AHI1: variants seen among roughly 807,000 people sequenced by gnomAD.
AHI1 encodes jouberin.
A neutral mutation model predicts 149.3 loss-of-function variants in AHI1; 123 were observed. The observed-to-expected ratio is 0.82, with a 90% CI of 0.71 to 0.96. AHI1 has a LOEUF of 0.96. AHI1 is among the 40% of genes least tolerant of loss of function. The probability of loss-of-function intolerance (pLI) is 0.00; values close to 1 mark genes in which losing one functional copy is unlikely to be tolerated. For synonymous variants in AHI1, 475 were observed against 459.8 expected (o/e 1.03, Z -0.42); for missense variants, 1,439 against 1,422.7 (o/e 1.01, Z -0.18).
intron 20 of AHI1, among the ~76,000 whole-genome samples, chr6:135,423,302 T>TA (rs1436612459): frequency 6.6e-6 from 1 of 152,166 alleles, no homozygotes; most frequent in Non-Finnish European, 1.5e-5. Flanking sequence ...TGCTATTCTA[T>TA]AGGATTTGTA....
At chr6:135,363,176 C>T (rs929221370) in intron 23 of AHI1, among the ~76,000 whole-genome samples, 8 of 151,154 alleles carry the variant, frequency 5.3e-5, no homozygotes, top group African/African-American at 1.7e-4. Flanking sequence ...TCTGGTTTTC[C>T]TAGGCAGAGG....
chr6:135,355,870 G>C (rs571939028), intron 24 of AHI1, among the ~76,000 whole-genome samples: 89 of 152,290 alleles, frequency 5.8e-4, no homozygotes, highest in Non-Finnish European at 1.1e-3. Context: ...CGGCACTCCA[G>C]CCTGGGCAAC....
chr6:135,352,141 G>A (rs989007984), intron 24 of AHI1, among the ~76,000 whole-genome samples: 1 of 151,980 alleles, frequency 6.6e-6, no homozygotes, highest in Non-Finnish European at 1.5e-5. Context: ...TCTTCCTAAC[G>A]CCACCACCTG....
At chr6:135,373,247 A>G (rs1472697826) in intron 23 of AHI1, among the ~76,000 whole-genome samples, 1 of 151,060 alleles carries the variant, frequency 6.6e-6, no homozygotes, top group African/African-American at 2.5e-5. Flanking sequence ...TACCTTTTCT[A>G]TGTTTAGATA....
intron 23 of AHI1, among the ~76,000 whole-genome samples, chr6:135,364,524 G>A (rs1359260390): frequency 6.7e-6 from 1 of 150,006 alleles, no homozygotes; most frequent in Non-Finnish European, 1.5e-5. Flanking sequence ...TCAGCACTTT[G>A]GGAGGCCAAG....
intron 5 of AHI1, among the ~76,000 whole-genome samples, chr6:135,487,774 C>A (rs146798957): frequency 1.4e-4 from 22 of 152,248 alleles, no homozygotes; most frequent in African/African-American, 5.1e-4. Flanking sequence ...TTCCTTCTAA[C>A]TATATTTTTG....
chr6:135,389,146 TA>T (rs1399440348), intron 23 of AHI1, among the ~76,000 whole-genome samples: 2 of 149,470 alleles, frequency 1.3e-5, no homozygotes, highest in East Asian at 2.0e-4. Context: ...CTGTCTCTAC[TA>T]AAAAACACAA....
chr6:135,471,760 C>A (rs1477451767), intron 5 of AHI1, among the ~76,000 whole-genome samples: 3 of 151,914 alleles, frequency 2.0e-5, no homozygotes, highest in Non-Finnish European at 4.4e-5. Context: ...CGCCTGTAAT[C>A]CCAGCACTTT....
At chr6:135,455,983 A>C in intron 9 of AHI1, 57 bp from the exon 10 acceptor site, 2 of 1,226,000 alleles carry the variant, frequency 1.6e-6, no homozygotes, top group Non-Finnish European at 2.2e-6. Context: ...AGGTGAGAAA[A>C]AAATATATAG....
rs9494214 is a variant in AHI1, at chr6:135,294,759, C to T, written c.3486-4234G>A. Among the ~76,000 whole-genome samples the T allele has an allele frequency of 1.9e-3, 270 of 145,838 alleles. 1 individual carries two copies. Among genetic ancestry groups the T allele is most frequent in the African/African-American group, 6.5e-3 (257 of 39,632 alleles). ...AAAATAAACTCTGATCCAAAACTCA[C>T]ATCACATATCACACATACAAACTAA... is the stretch of plus-strand genomic sequence containing the variant. On this transcript the variant is annotated intron_variant, in intron 27 of 28. Coordinates refer to ENST00000265602, the MANE Select transcript of AHI1 (RefSeq NM_001134831.2).
At chr6:135,290,587 AT>A (rs1305081175) in intron 27 of AHI1, 62 bp from the exon 28 acceptor site, 1 of 1,556,154 alleles carries the variant, frequency 6.4e-7, no homozygotes. Context: ...AAAAGCTCAG[AT>A]GAGGCTTTGA....
At chr6:135,387,934 G>T (rs1389639000) in intron 23 of AHI1, 1 of 1,611,792 alleles carries the variant, frequency 6.2e-7, no homozygotes, top group South Asian at 1.1e-5. Flanking sequence ...TTAGGAAGTG[G>T]TGGGATCCCA....
intron 10 of AHI1, among the ~76,000 whole-genome samples, chr6:135,454,000 A>G (rs1403581501): frequency 1.3e-5 from 2 of 152,168 alleles, no homozygotes; most frequent in African/African-American, 4.8e-5. Flanking sequence ...CTTCAAACTT[A>G]CTGGTGCTTA....
intron 11 of AHI1, 51 bp downstream of exon 11, chr6:135,453,290 A>T: frequency 7.2e-7 from 1 of 1,389,508 alleles, no homozygotes; most frequent in Non-Finnish European, 1.0e-6. Context: ...AAAGCAGCCA[A>T]CTAAATTTGA....
chr6:135,343,663 TA>T (rs1434560841), intron 24 of AHI1, among the ~76,000 whole-genome samples: 1 of 147,730 alleles, frequency 6.8e-6, no homozygotes, highest in Non-Finnish European at 1.5e-5. Context: ...AAAAACAAAC[TA>T]ACAAAAAACC....
intron 20 of AHI1, among the ~76,000 whole-genome samples, chr6:135,422,509 GA>G (rs929783896): frequency 4.2e-4 from 57 of 134,806 alleles, no homozygotes; most frequent in Non-Finnish European, 3.7e-4. Context: ...TGTGTCTCAA[GA>G]AAAAAAAAAA....
chr6:135,360,699 T>C (rs1793727578), intron 23 of AHI1, among the ~76,000 whole-genome samples: 1 of 152,234 alleles, frequency 6.6e-6, no homozygotes. Context: ...AATGTTATGT[T>C]CATTCAACAT....
At chr6:135,442,551 A>G (rs1786474542) in intron 14 of AHI1, 31 bp downstream of exon 14, 1 of 1,577,596 alleles carries the variant, frequency 6.3e-7, no homozygotes, top group Non-Finnish European at 8.6e-7. Context: ...GTGGACTACA[A>G]TCAGATTAAA....
At position 135,374,822 on chromosome 6, in the gene AHI1, C is replaced by T. The variant is rs372546428; in HGVS notation, c.3110-16635G>A. ...AAGGTCTGACTTAACAATTTTTCAACTTTACCATACTTTGAAAGTAACATG... is the reference window on the plus strand; with the variant it reads ...AAGGTCTGACTTAACAATTTTTCAATTTTACCATACTTTGAAAGTAACATG... On this transcript the variant is annotated intron_variant, in intron 23 of 28. Coordinates refer to ENST00000265602, the MANE Select transcript of AHI1 (RefSeq NM_001134831.2). 8.5e-4 allele frequency among the ~76,000 whole-genome samples: 129 copies of T among 152,284 alleles called. 4 individuals carry two copies. The South Asian group carries it at 0.026, about 31-fold the overall frequency.
Sources: gnomAD v4.1 joint callset for allele counts (sites outside exome capture counted in the v4.1 genomes callset) on GRCh38, gnomAD v4.1.1 for gene constraint, MANE v1.5 for transcripts, NCBI Gene and HGNC (gene_info 2026-07-23, HGNC 2026-07-21) for gene names.